Variants in IL1RAPL1 observed in about 807,000 individuals in gnomAD.
IL1RAPL1 encodes interleukin 1 receptor accessory protein like 1.
Under a neutral mutation model 48.4 loss-of-function variants are expected in IL1RAPL1, and 3 were observed. That is an observed-to-expected ratio of 0.06 (90% CI 0.03 to 0.16). The LOEUF is 0.16. IL1RAPL1 is among the 10% of genes least tolerant of loss of function. The pLI is 1.00. For synonymous variants in IL1RAPL1, 185 were observed against 187.7 expected, an observed-to-expected ratio of 0.99 and a Z score of 0.12; for missense variants, 349 against 530.6, an observed-to-expected ratio of 0.66 and a Z score of 3.36.
chrX:29,336,464 G>A (rs1602180672), intron 3 of IL1RAPL1, among the ~76,000 whole-genome samples: 2 of 107,691 alleles, frequency 1.9e-5, no homozygotes, highest in Non-Finnish European at 1.9e-5. Context: ...TGAATAGTTC[G>A]AAATGTAAAA....
chrX:29,488,943 C>T (rs1013355413), intron 5 of IL1RAPL1, among the ~76,000 whole-genome samples: 2 of 111,230 alleles, frequency 1.8e-5, no homozygotes, highest in Non-Finnish European at 3.8e-5. Context: ...AACTGCAAGA[C>T]TGGGGAGAGG....
intron 2 of IL1RAPL1, among the ~76,000 whole-genome samples, chrX:29,039,321 T>C (rs1167780975): frequency 9.0e-6 from 1 of 111,196 alleles, no homozygotes; most frequent in Non-Finnish European, 1.9e-5. Context: ...CCTTCTGGAG[T>C]TCATAATAAA....
intron 3 of IL1RAPL1, among the ~76,000 whole-genome samples, chrX:29,319,152 A>ATCTATCTGTCTGTCTGTCTGTCTG (rs368138032): frequency 2.7e-5 from 2 of 74,087 alleles, no homozygotes; most frequent in African/African-American, 1.0e-4. Flanking sequence ...ATATCTGTCT[A>ATCTATCTGTCTGTCTGTCTGTCTG]TCTGTCTGTC....
rs12860867 is a variant in IL1RAPL1 at position 28,768,778 on chromosome X, T to C, written c.-24-20542T>C. Among the ~76,000 whole-genome samples the C allele has an allele frequency of 1.3e-3, 99 of 76,401 alleles. 1 individual carries two copies. Among genetic ancestry groups the C allele is most frequent in the South Asian group, 2.4e-3 (3 of 1,252 alleles). The allele number at this position is 76,401 out of a possible 115,157, so 66.3% of individuals were successfully genotyped here. The stretch of plus-strand genomic sequence containing the variant: ...CTCTATATATATATATATATATATA[T>C]ACACACACTATATATATACAGACAT... On this transcript the variant is annotated intron_variant, in intron 1 of 10. Coordinates refer to ENST00000378993, the MANE Select transcript of IL1RAPL1 (RefSeq NM_014271.4).
intron 1 of IL1RAPL1, among the ~76,000 whole-genome samples, chrX:28,729,140 A>T (rs1290575863): frequency 8.9e-6 from 1 of 111,788 alleles, no homozygotes; most frequent in East Asian, 2.8e-4. Flanking sequence ...TTTATTTTGC[A>T]GTTAGCAAAT....
At chrX:28,702,861 T>C (rs1242349731) in intron 1 of IL1RAPL1, among the ~76,000 whole-genome samples, 1 of 109,611 alleles carries the variant, frequency 9.1e-6, no homozygotes, top group Non-Finnish European at 1.9e-5. Flanking sequence ...TTACTTGAAA[T>C]GAAGACTGTA....
At chrX:29,429,662 C>T (rs1934391827) in intron 5 of IL1RAPL1, among the ~76,000 whole-genome samples, 2 of 110,882 alleles carry the variant, frequency 1.8e-5, no homozygotes, top group African/African-American at 6.6e-5. Context: ...TTCTCTTCCT[C>T]AGTAATCAGT....
At chrX:28,601,402 G>T (rs913539639) in intron 1 of IL1RAPL1, among the ~76,000 whole-genome samples, 1 of 111,720 alleles carries the variant, frequency 9.0e-6, no homozygotes, top group African/African-American at 3.3e-5. Flanking sequence ...TCTAGCCTGA[G>T]TGACAGAGCA....
At chrX:28,982,675 A>G (rs988339007) in intron 2 of IL1RAPL1, among the ~76,000 whole-genome samples, 1 of 111,830 alleles carries the variant, frequency 8.9e-6, no homozygotes, top group African/African-American at 3.3e-5. Flanking sequence ...TGAATTCTGC[A>G]TCCTGGATCA....
chrX:29,195,557 C>CTTTTTT (rs756993767), intron 2 of IL1RAPL1, among the ~76,000 whole-genome samples: 2 of 79,944 alleles, frequency 2.5e-5, no homozygotes, highest in Non-Finnish European at 2.3e-5. Flanking sequence ...TAACTAATTA[C>CTTTTTT]TTTTTTTTTT....
chrX:29,204,732 C>G (rs1479936650), intron 2 of IL1RAPL1, among the ~76,000 whole-genome samples: 1 of 111,614 alleles, frequency 9.0e-6, no homozygotes, highest in Admixed American at 9.6e-5. Context: ...TATGAGTTCC[C>G]TATACATTGT....
chrX:28,831,724 A>C (rs886277116), intron 2 of IL1RAPL1, among the ~76,000 whole-genome samples: 1 of 111,582 alleles, frequency 9.0e-6, no homozygotes, highest in Admixed American at 9.5e-5. Flanking sequence ...CAGAGTTCTG[A>C]AAAAGTTGAT....
intron 2 of IL1RAPL1, among the ~76,000 whole-genome samples, chrX:29,215,738 C>G (rs1930855523): frequency 8.9e-6 from 1 of 111,843 alleles, no homozygotes. Context: ...TATGACAAAA[C>G]ATGCTGATAT....
intron 6 of IL1RAPL1, among the ~76,000 whole-genome samples, chrX:29,798,718 G>A (rs1363400474): frequency 8.9e-6 from 1 of 112,288 alleles, no homozygotes; most frequent in African/African-American, 3.2e-5. Context: ...ACAAAAGGAA[G>A]TTTCACAACC....
chrX:29,432,665 A>G (rs1284556049), intron 5 of IL1RAPL1, among the ~76,000 whole-genome samples: 1 of 111,930 alleles, frequency 8.9e-6, no homozygotes, highest in Non-Finnish European at 1.9e-5. Flanking sequence ...TTTACTGTGC[A>G]GAGTAAAGGA....
intron 5 of IL1RAPL1, among the ~76,000 whole-genome samples, chrX:29,410,541 CTATTT>C (rs1230369965): frequency 4.5e-5 from 5 of 110,970 alleles, no homozygotes; most frequent in African/African-American, 1.6e-4. Context: ...AAATAATTCA[CTATTT>C]TATTTCCCAC....
At chrX:28,984,506 ATATT>A (rs1925418821) in intron 2 of IL1RAPL1, among the ~76,000 whole-genome samples, 1 of 112,112 alleles carries the variant, frequency 8.9e-6, no homozygotes, top group African/African-American at 3.2e-5. Context: ...GCGTGTCAAA[ATATT>A]TAAGGATCCT....
chrX:29,850,592 G>C (rs1252717090), intron 6 of IL1RAPL1, among the ~76,000 whole-genome samples: 1 of 112,500 alleles, frequency 8.9e-6, no homozygotes, highest in African/African-American at 3.2e-5. Flanking sequence ...AGCCCGTAAG[G>C]CTCGGTGTGG....
intron 5 of IL1RAPL1, among the ~76,000 whole-genome samples, chrX:29,399,553 G>A (rs1384445259): frequency 8.9e-6 from 1 of 111,752 alleles, no homozygotes; most frequent in Non-Finnish European, 1.9e-5. Context: ...GGGCACCGTG[G>A]CTCATGCCTG....
Sources: gnomAD v4.1 joint callset for allele counts (sites outside exome capture counted in the v4.1 genomes callset) on GRCh38, gnomAD v4.1.1 for gene constraint, MANE v1.5 for transcripts, NCBI Gene and HGNC (gene_info 2026-07-23, HGNC 2026-07-21) for gene names.